NRAP: variants seen among roughly 807,000 people sequenced by gnomAD.
NRAP encodes the protein nebulin-related-anchoring protein.
NRAP carries 189 observed loss-of-function variants against 225.9 expected under a neutral mutation model. The ratio of observed to expected loss-of-function variants is 0.84; its 90% confidence interval spans 0.74 to 0.94. The LOEUF (loss-of-function observed/expected upper bound fraction) is 0.94, where lower values mean the gene tolerates loss of function less well. Among genes scored for constraint, NRAP ranks in the 40% least tolerant of loss-of-function variants. The probability of loss-of-function intolerance (pLI) is 0.00; values close to 1 mark genes in which losing one functional copy is unlikely to be tolerated. For synonymous variants in NRAP, 769 were observed against 790.7 expected, an observed-to-expected ratio of 0.97 and a Z score of 0.46; for missense variants, 2,176 against 2,168.7, an observed-to-expected ratio of 1.00 and a Z score of -0.07.
Position 113,636,047 on chromosome 10 carries a change from C to G in NRAP, c.1429-1837G>C, listed in dbSNP as rs967926190. 2.0e-5 allele frequency among the ~76,000 whole-genome samples: 3 copies of G among 152,244 alleles called. No homozygotes were observed. In the South Asian group the frequency reaches 6.2e-4, roughly 32 times the overall value. Reference sequence around the variant, plus strand: ...CCTGTTGCCAGCTGAGCTCCCCCGGCTTGGCTCAAAGCGACAGGATCACCA... The same window carrying G: ...CCTGTTGCCAGCTGAGCTCCCCCGGGTTGGCTCAAAGCGACAGGATCACCA... On this transcript the variant is annotated intron_variant, in intron 14 of 41. Transcript: ENST00000359988.
chr10:113,607,450 GAAAAGAAAAAGAAA>G (rs1433050762), intron 32 of NRAP, among the ~76,000 whole-genome samples: 1 of 95,080 alleles, frequency 1.1e-5, no homozygotes, highest in Non-Finnish European at 2.3e-5. Flanking sequence ...AAGAAAGAAA[GAAAAGAAAAAGAAA>G]AAAAGAAATG....
intron 25 of NRAP, 34 bp downstream of exon 25, chr10:113,620,570 G>A (rs1443361091): frequency 7.6e-7 from 1 of 1,322,608 alleles, no homozygotes. Flanking sequence ...GCCTAATGCA[G>A]CCAGGCCTGT....
intron 25 of NRAP, among the ~76,000 whole-genome samples, chr10:113,617,984 G>A (rs557158819): frequency 2.6e-5 from 4 of 152,130 alleles, no homozygotes; most frequent in African/African-American, 7.2e-5. Context: ...AGACATTATT[G>A]CAGTCAAAAC....
chr10:113,632,971 C>G (rs897598629), intron 16 of NRAP, 113 bp downstream of exon 16: 3 of 702,418 alleles, frequency 4.3e-6, no homozygotes, highest in Non-Finnish European at 7.9e-6. Flanking sequence ...ATGGATGCCT[C>G]TGATGAGCCT....
intron 35 of NRAP, among the ~76,000 whole-genome samples, chr10:113,603,517 T>G (rs1348515482): frequency 1.3e-5 from 2 of 151,590 alleles, no homozygotes; most frequent in Non-Finnish European, 2.9e-5. Context: ...AAAACAGGAG[T>G]AACAGCTGCC....
chr10:113,589,521 A>T (rs1845811959), intron 41 of NRAP, 145 bp downstream of exon 41: 4 of 933,690 alleles, frequency 4.3e-6, no homozygotes, highest in Admixed American at 5.0e-5. Flanking sequence ...AGACCCATGA[A>T]ATTAGGCGCC....
chr10:113,620,842 T>A (rs1592783193), intron 24 of NRAP, 134 bp from the exon 25 acceptor site: 2 of 664,724 alleles, frequency 3.0e-6, no homozygotes, highest in Non-Finnish European at 5.3e-6. Context: ...TCTTATGCAT[T>A]TCTGCAAAGT....
At chr10:113,633,036 A>G (rs1446473306) in intron 16 of NRAP, 48 bp downstream of exon 16, 1 of 965,600 alleles carries the variant, frequency 1.0e-6, no homozygotes, top group Non-Finnish European at 1.7e-6. Flanking sequence ...CTTTGTTTTC[A>G]CATCGCTCTA....
Position 113,615,838 on chromosome 10 carries a change from G to C in NRAP, c.2974-22C>G, listed in dbSNP as rs375791209. 1,240 of 1,332,910 alleles carry C rather than the reference G, an allele frequency of 9.3e-4. 2 individuals carry two copies. Among genetic ancestry groups the C allele is most frequent in the Non-Finnish European group, 1.3e-3 (1,178 of 925,506 alleles). 82.6% of individuals were successfully genotyped at this position (1,332,910 alleles called of 1,614,324 possible). A position where few individuals can be genotyped will look rare whatever the true frequency, so the allele number is the denominator to read the frequency against. ...ATCTCTGTGGATGGAAGGAGGTTTT[G>C]CATGAAACCTAGACCCCATTCCATG... is the stretch of plus-strand genomic sequence containing the variant. On this transcript the variant is annotated intron_variant, in intron 26 of 41. Coordinates refer to ENST00000359988, the MANE Select transcript of NRAP (RefSeq NM_198060.4).
rs3121479 is a variant in NRAP, at chr10:113,646,032, A to T, written c.994-91T>A. ...CAAAGTTATCCTGGGCTTAATGTCA[A>T]CATTTACTTAATACAATTTTCTGAA... On this transcript the variant is annotated intron_variant, in intron 10 of 41. Coordinates refer to ENST00000359988, the MANE Select transcript of NRAP (RefSeq NM_198060.4). 0.57 allele frequency: 362,920 copies of T among 631,430 alleles called. 107,228 individuals are homozygous for T. Among genetic ancestry groups the T allele is most frequent in the East Asian group, 0.71 (25,662 of 35,944 alleles). 39.1% of individuals were successfully genotyped at this position (631,430 alleles called of 1,614,324 possible).
intron 4 of NRAP, 34 bp from the exon 5 acceptor site, chr10:113,654,159 A>C: frequency 4.0e-6 from 5 of 1,248,320 alleles, no homozygotes; most frequent in African/African-American, 1.5e-5. Context: ...ATACAAACAC[A>C]TGCCCCAGAC....
chr10:113,662,250 G>A (rs1850724376), intron 3 of NRAP, among the ~76,000 whole-genome samples: 1 of 152,116 alleles, frequency 6.6e-6, no homozygotes, highest in South Asian at 2.1e-4. Context: ...TATAATATTT[G>A]CACATATTTA....
rs779295542 is a variant in NRAP, at chr10:113,590,627, TCCG to T, written c.4904_4906del (p.Pro1635_Glu1636delinsGln). 3.1e-6 allele frequency: 5 copies of T among 1,613,668 alleles called. No homozygotes were observed. Among genetic ancestry groups the T allele is most frequent in the Non-Finnish European group, 4.2e-6 (5 of 1,179,976 alleles). Reference sequence around the variant, plus strand: ...CTGAGCATGCCTGAGGCCCAGCTGCTCCGGGTCGCAGGTGGGCTGGGGCAGGGG... The same window carrying T: ...CTGAGCATGCCTGAGGCCCAGCTGCTGGTCGCAGGTGGGCTGGGGCAGGGG... On this transcript the variant is annotated inframe_deletion, in exon 40 of 42. Coordinates refer to ENST00000359988, the MANE Select transcript of NRAP (RefSeq NM_198060.4).
chr10:113,624,722 C>T, intron 22 of NRAP, 104 bp downstream of exon 22: 1 of 776,744 alleles, frequency 1.3e-6, no homozygotes, highest in Non-Finnish European at 2.2e-6. Flanking sequence ...TGTATGTAAC[C>T]TCAGTTGATA....
At chr10:113,652,620 A>AT (rs1850048706) in intron 6 of NRAP, among the ~76,000 whole-genome samples, 1 of 151,738 alleles carries the variant, frequency 6.6e-6, no homozygotes. Flanking sequence ...TAAAATAAAA[A>AT]TAAAAATAAA....
Position 113,620,728 on chromosome 10 carries a change from A to G in NRAP, c.2770-20T>C. Reference sequence around the variant, plus strand: ...TTGGTTCTGACAAAGGAGAAAGAAAAAAAAAAAAAGCAGGCCATTGTTGGT... The same window carrying G: ...TTGGTTCTGACAAAGGAGAAAGAAAGAAAAAAAAAGCAGGCCATTGTTGGT... On this transcript the variant is annotated intron_variant, in intron 24 of 41. Transcript: ENST00000359988. 1.9e-6 allele frequency: 3 copies of G among 1,556,300 alleles called. No homozygotes were observed. Among genetic ancestry groups the G allele is most frequent in the Non-Finnish European group, 2.7e-6 (3 of 1,131,652 alleles).
intron 11 of NRAP, among the ~76,000 whole-genome samples, chr10:113,643,870 A>G (rs895354458): frequency 4.6e-5 from 7 of 152,206 alleles, no homozygotes; most frequent in African/African-American, 1.7e-4. Context: ...TTCTAATTCT[A>G]TAAATACATT....
intron 12 of NRAP, 109 bp from the exon 13 acceptor site, chr10:113,641,581 C>A: frequency 5.9e-6 from 4 of 675,736 alleles, no homozygotes; most frequent in South Asian, 3.7e-5. Flanking sequence ...TTAAATATAA[C>A]CCATTTAAAT....
At chr10:113,624,450 C>G (rs1485543518) in intron 22 of NRAP, among the ~76,000 whole-genome samples, 1 of 152,170 alleles carries the variant, frequency 6.6e-6, no homozygotes, top group African/African-American at 2.4e-5. Context: ...AAAGAATTTG[C>G]CCAAGGTCAC....
Sources: allele counts gnomAD v4.1 joint callset (sites outside exome capture counted in the v4.1 genomes callset), GRCh38; gene constraint gnomAD v4.1.1; transcripts MANE v1.5; gene names NCBI Gene and HGNC (gene_info 2026-07-23, HGNC 2026-07-21).